BTC: variants seen among roughly 807,000 people sequenced by gnomAD.
The protein encoded by BTC is probetacellulin.
Under a neutral mutation model 18.1 loss-of-function variants are expected in BTC, and 13 were observed. The observed-to-expected ratio is 0.72, with a 90% CI of 0.47 to 1.14. BTC has a LOEUF of 1.14. Ranked by LOEUF, BTC falls within the 50% of genes most tolerant of loss-of-function variation. BTC has a pLI of 0.00. For synonymous variants in BTC, 83 were observed against 79.4 expected (o/e 1.05, Z -0.24); for missense variants, 247 against 224.2 (o/e 1.10, Z -0.65).
chr4:74,784,195 G>A (rs1275179562), intron 1 of BTC, among the ~76,000 whole-genome samples: 2 of 147,008 alleles, frequency 1.4e-5, no homozygotes, highest in African/African-American at 5.1e-5. Flanking sequence ...TAGTGCCACT[G>A]CACTCCAGGC....
At position 74,747,982 on chromosome 4, in the gene BTC, A is replaced by G. The variant is rs1225387568; in HGVS notation, c.*1+58T>C. The G allele has an allele frequency of 4.5e-6, 4 of 896,346 alleles. No homozygotes were observed. In the African/African-American group the frequency reaches 5.2e-5, roughly 12 times the overall value. 55.5% of individuals were successfully genotyped at this position (896,346 alleles called of 1,614,324 possible). A position where few individuals can be genotyped will look rare whatever the true frequency, so the allele number is the denominator to read the frequency against. On this transcript the variant is annotated intron_variant, in intron 5 of 5. Coordinates refer to ENST00000395743, the MANE Select transcript of BTC (RefSeq NM_001729.4). ...GATTTAGTAGATGCAAGTAAGCCCAATCTAACCAGTTAAATGTCACCTGAA... is the reference window on the plus strand; with the variant it reads ...GATTTAGTAGATGCAAGTAAGCCCAGTCTAACCAGTTAAATGTCACCTGAA...
chr4:74,788,725 G>T (rs1278945663), intron 1 of BTC, among the ~76,000 whole-genome samples: 4 of 152,156 alleles, frequency 2.6e-5, no homozygotes, highest in Non-Finnish European at 5.9e-5. Flanking sequence ...ATGAGCAAAA[G>T]AGTTATGCAT....
At position 74,757,987 on chromosome 4, in the gene BTC, C is replaced by A. The variant is rs574491041; in HGVS notation, c.164-2011G>T. On this transcript the variant is annotated intron_variant, in intron 2 of 5. Transcript: ENST00000395743. The stretch of plus-strand genomic sequence containing the variant: ...TCAGTAAATGAGTTAATCCCAGAAT[C>A]TTAAAATCTTGGCAATTCTAACAGC... Among the ~76,000 whole-genome samples, 15 of 152,242 alleles carry A rather than the reference C, an allele frequency of 9.9e-5. 1 individual carries two copies. The South Asian group carries it at 3.1e-3, about 32-fold the overall frequency.
At chr4:74,764,127 G>A (rs1302034763) in intron 2 of BTC, among the ~76,000 whole-genome samples, 1 of 152,028 alleles carries the variant, frequency 6.6e-6, no homozygotes, top group Non-Finnish European at 1.5e-5. Flanking sequence ...TTGAGTGGGT[G>A]AACAAAAATA....
At position 74,775,640 on chromosome 4, in the gene BTC, A is replaced by G. The variant is rs75645103; in HGVS notation, c.65-5484T>C. On this transcript the variant is annotated intron_variant, in intron 1 of 5. Transcript: ENST00000395743. ...GCCATTTCAAGGAGACTATTCATCA[A>G]TTCTTTCAATCATGATCATTCATTC... is the stretch of plus-strand genomic sequence containing the variant. Among the ~76,000 whole-genome samples, 835 of 152,282 alleles carry G rather than the reference A, an allele frequency of 5.5e-3. 9 individuals are homozygous for G. Among genetic ancestry groups the G allele is most frequent in the African/African-American group, 7.5e-3 (311 of 41,554 alleles).
At chr4:74,764,768 G>T (rs114303009) in intron 2 of BTC, among the ~76,000 whole-genome samples, 12 of 152,284 alleles carry the variant, frequency 7.9e-5, no homozygotes, top group African/African-American at 2.9e-4. Flanking sequence ...ATAAGTGGGA[G>T]ATAAGCTATG....
At chr4:74,791,340 A>AAAAAAAG (rs1039478275) in intron 1 of BTC, among the ~76,000 whole-genome samples, 17 of 145,056 alleles carry the variant, frequency 1.2e-4, no homozygotes, top group African/African-American at 4.7e-4. Context: ...AGACTGTCTC[A>AAAAAAAG]AAAAAAGAAA....
chr4:74,784,436 TCCTGG>T (rs2109916734), intron 1 of BTC, among the ~76,000 whole-genome samples: 1 of 151,424 alleles, frequency 6.6e-6, no homozygotes, highest in South Asian at 2.1e-4. Flanking sequence ...TCTTTCTCTT[TCCTGG>T]CCAGAACATT....
At chr4:74,764,578 CAG>C (rs1206546585) in intron 2 of BTC, among the ~76,000 whole-genome samples, 1 of 152,072 alleles carries the variant, frequency 6.6e-6, no homozygotes, top group Non-Finnish European at 1.5e-5. Context: ...AATTAGAAAA[CAG>C]AGCCCATCAA....
intron 1 of BTC, among the ~76,000 whole-genome samples, chr4:74,790,817 G>A (rs1208898287): frequency 6.6e-6 from 1 of 152,132 alleles, no homozygotes; most frequent in Admixed American, 6.5e-5. Flanking sequence ...GGAGAAGCAG[G>A]GTTTCCTGGA....
chr4:74,753,892 TA>T (rs1468592684), intron 3 of BTC, among the ~76,000 whole-genome samples: 4 of 152,214 alleles, frequency 2.6e-5, no homozygotes, highest in Middle Eastern at 3.2e-3. Flanking sequence ...AATATGTTCT[TA>T]AAAAGTTGGA....
At chr4:74,755,138 G>A (rs1553956543) in intron 3 of BTC, among the ~76,000 whole-genome samples, 2 of 152,040 alleles carry the variant, frequency 1.3e-5, no homozygotes, top group South Asian at 4.1e-4. Context: ...AGATACTTAT[G>A]GAAAGAAAAC....
intron 4 of BTC, among the ~76,000 whole-genome samples, chr4:74,749,703 G>T (rs1253022243): frequency 0.059 from 3,162 of 53,808 alleles, 67 homozygotes; most frequent in Non-Finnish European, 0.099. Context: ...TGTTGTTGTT[G>T]TTGTTGTTTT....
At chr4:74,751,294 G>T (rs62316309) in intron 3 of BTC, among the ~76,000 whole-genome samples, 2 of 151,694 alleles carry the variant, frequency 1.3e-5, no homozygotes, top group Non-Finnish European at 1.5e-5. Context: ...AATTCTACCC[G>T]TTGATTCTAG....
rs192071161 is a variant in BTC at position 74,752,870 on chromosome 4, T to A, written c.282-2151A>T. Among the ~76,000 whole-genome samples the A allele has an allele frequency of 4.6e-5, 7 of 152,372 alleles. No individual in the cohort carries two copies. In the East Asian group the frequency reaches 1.2e-3, roughly 25 times the overall value. On this transcript the variant is annotated intron_variant, in intron 3 of 5. Coordinates refer to ENST00000395743, the MANE Select transcript of BTC (RefSeq NM_001729.4). Reference sequence around the variant, plus strand: ...GCAATTATTTTCTACTCTTTTAGAATGTTTTTCTAATTATATGCTGTGGGA... The same window carrying A: ...GCAATTATTTTCTACTCTTTTAGAAAGTTTTTCTAATTATATGCTGTGGGA...
chr4:74,764,220 T>A (rs1553957610), intron 2 of BTC, among the ~76,000 whole-genome samples: 1 of 152,000 alleles, frequency 6.6e-6, no homozygotes, highest in African/African-American at 2.4e-5. Flanking sequence ...CAAAAATGAG[T>A]ATTTGAATTT....
chr4:74,774,940 G>A (rs922158009), intron 1 of BTC, among the ~76,000 whole-genome samples: 3 of 152,124 alleles, frequency 2.0e-5, no homozygotes, highest in African/African-American at 7.2e-5. Flanking sequence ...AGGCCTATGA[G>A]GGATAGCCAC....
At chr4:74,760,310 A>G (rs971720109) in intron 2 of BTC, among the ~76,000 whole-genome samples, 8 of 152,218 alleles carry the variant, frequency 5.3e-5, no homozygotes, top group Non-Finnish European at 1.2e-4. Context: ...CTTAACAAGG[A>G]GACTGAGGAA....
At chr4:74,761,055 G>A (rs1169934613) in intron 2 of BTC, among the ~76,000 whole-genome samples, 1 of 152,000 alleles carries the variant, frequency 6.6e-6, no homozygotes, top group Non-Finnish European at 1.5e-5. Flanking sequence ...TTAACTAGGA[G>A]GGCCCTGCCA....
Sources: allele counts gnomAD v4.1 joint callset (sites outside exome capture counted in the v4.1 genomes callset), GRCh38; gene constraint gnomAD v4.1.1; transcripts MANE v1.5; gene names NCBI Gene and HGNC (gene_info 2026-07-23, HGNC 2026-07-21).